The following EVA1C variants were observed in gnomAD, a reference collection of about 807,000 sequenced individuals.
EVA1C encodes the protein protein eva-1 homolog C.
A neutral mutation model predicts 45.4 loss-of-function variants in EVA1C; 25 were observed. The observed-to-expected ratio is 0.55, with a 90% CI of 0.40 to 0.77. EVA1C has a LOEUF of 0.77. Among genes scored for constraint, EVA1C ranks in the 30% least tolerant of loss-of-function variants. The pLI is 0.00. For missense variants in EVA1C, 479 were observed against 554.8 expected, an observed-to-expected ratio of 0.86 and a Z score of 1.37; for synonymous variants, 190 against 221.2, an observed-to-expected ratio of 0.86 and a Z score of 1.25.
At chr21:32,488,321 G>A (rs1015624291) in intron 4 of EVA1C, among the ~76,000 whole-genome samples, 1 of 152,160 alleles carries the variant, frequency 6.6e-6, no homozygotes, top group East Asian at 1.9e-4. Flanking sequence ...ATACCCAGAA[G>A]AGGGATTGCT....
chr21:32,429,910 T>C (rs1441295127), intron 1 of EVA1C, among the ~76,000 whole-genome samples: 7 of 152,228 alleles, frequency 4.6e-5, no homozygotes, highest in Admixed American at 4.6e-4. Flanking sequence ...TTTTATGTTC[T>C]CTTTTTTTTG....
At chr21:32,424,216 A>G (rs2034402146) in intron 1 of EVA1C, among the ~76,000 whole-genome samples, 1 of 152,184 alleles carries the variant, frequency 6.6e-6, no homozygotes, top group Non-Finnish European at 1.5e-5. Flanking sequence ...CTCTTGACTT[A>G]GAAGATTTTT....
rs1423335174 is a variant in EVA1C, at chr21:32,433,189, C to G, written c.161-20123C>G. ...CTTCCCACTTCAAAGTGCACTAACGCCAGTCAGCTTGAAGGCATCCCCTGA... is the reference window on the plus strand; with the variant it reads ...CTTCCCACTTCAAAGTGCACTAACGGCAGTCAGCTTGAAGGCATCCCCTGA... On this transcript the variant is annotated intron_variant, in intron 1 of 7. Coordinates refer to ENST00000300255, the MANE Select transcript of EVA1C (RefSeq NM_058187.5). The G allele has an allele frequency of 3.9e-5, 6 of 152,392 alleles. No homozygotes were observed. The South Asian group carries it at 1.2e-3, about 32-fold the overall frequency. 9.4% of individuals were successfully genotyped at this position (152,392 alleles called of 1,614,324 possible). A position where few individuals can be genotyped will look rare whatever the true frequency, so the allele number is the denominator to read the frequency against.
chr21:32,424,969 G>A (rs80020720), intron 1 of EVA1C, among the ~76,000 whole-genome samples: 1 of 151,986 alleles, frequency 6.6e-6, no homozygotes, highest in Non-Finnish European at 1.5e-5. Flanking sequence ...AGCTCCTCCT[G>A]CCTCAGCCTC....
At chr21:32,451,678 T>A (rs1269275620) in intron 1 of EVA1C, among the ~76,000 whole-genome samples, 1 of 152,206 alleles carries the variant, frequency 6.6e-6, no homozygotes, top group Non-Finnish European at 1.5e-5. Context: ...TAGGGAAGAA[T>A]CCTTCCTGGC....
At chr21:32,453,701 C>A (rs564243748) in intron 2 of EVA1C, among the ~76,000 whole-genome samples, 193 bp downstream of exon 2, 2 of 152,206 alleles carry the variant, frequency 1.3e-5, no homozygotes, top group Admixed American at 6.5e-5. Flanking sequence ...TGTTGCCCAA[C>A]AAAACTAAAT....
chr21:32,458,341 T>C lies in EVA1C; in HGVS notation c.481+621T>C, dbSNP rs376736041. On this transcript the variant is annotated intron_variant, in intron 3 of 7. Coordinates refer to ENST00000300255, the MANE Select transcript of EVA1C (RefSeq NM_058187.5). ...TGTGATGGGCAAAAATAATCCATCTTCCGTGGGTGGGTCACACTTCCAGGA... is the reference window on the plus strand; with the variant it reads ...TGTGATGGGCAAAAATAATCCATCTCCCGTGGGTGGGTCACACTTCCAGGA... Among the ~76,000 whole-genome samples the C allele has an allele frequency of 1.2e-3, 180 of 152,216 alleles. 6 individuals carry two copies. The South Asian group carries it at 0.036, about 31-fold the overall frequency.
chr21:32,492,470 G>A (rs1192884804), intron 4 of EVA1C, among the ~76,000 whole-genome samples: 1 of 152,098 alleles, frequency 6.6e-6, no homozygotes, highest in Non-Finnish European at 1.5e-5. Context: ...GAACTGGGGA[G>A]AGCAGTTTTT....
chr21:32,415,198 A>G (rs1283913473), intron 1 of EVA1C, among the ~76,000 whole-genome samples: 1 of 152,162 alleles, frequency 6.6e-6, no homozygotes, highest in Non-Finnish European at 1.5e-5. Flanking sequence ...GTGCATAGAA[A>G]CCAAAACTGA....
chr21:32,508,387 C>T (rs967901231), intron 7 of EVA1C, among the ~76,000 whole-genome samples: 3 of 152,158 alleles, frequency 2.0e-5, no homozygotes, highest in African/African-American at 7.2e-5. Context: ...AAGGGACAGG[C>T]TTGCAGCCTG....
intron 1 of EVA1C, among the ~76,000 whole-genome samples, chr21:32,425,946 C>G (rs763198359): frequency 2.7e-5 from 4 of 149,520 alleles, no homozygotes; most frequent in Admixed American, 6.7e-5. Flanking sequence ...CTTTTAGAAC[C>G]TGAAAAAAGT....
chr21:32,440,946 C>CA (rs61151759), intron 1 of EVA1C, among the ~76,000 whole-genome samples: 1 of 152,010 alleles, frequency 6.6e-6, no homozygotes, highest in South Asian at 2.1e-4. Flanking sequence ...ATTAAAAATA[C>CA]AAAAAATTAG....
chr21:32,457,325 G>T (rs1455694431), intron 2 of EVA1C, among the ~76,000 whole-genome samples: 3 of 152,224 alleles, frequency 2.0e-5, no homozygotes, highest in Non-Finnish European at 4.4e-5. Flanking sequence ...TGCCTTTGCT[G>T]AAAGTAGCAG....
chr21:32,450,711 C>G (rs1440057817), intron 1 of EVA1C, among the ~76,000 whole-genome samples: 1 of 152,016 alleles, frequency 6.6e-6, no homozygotes, highest in Non-Finnish European at 1.5e-5. Flanking sequence ...ATTTTCAGTA[C>G]TCATTGTTTT....
chr21:32,502,869 A>G (rs2037603353), intron 6 of EVA1C, among the ~76,000 whole-genome samples: 1 of 151,724 alleles, frequency 6.6e-6, no homozygotes, highest in African/African-American at 2.4e-5. Context: ...GGCTCAAGCG[A>G]TCCACCCACC....
At chr21:32,461,232 G>T (rs1419824818) in intron 3 of EVA1C, among the ~76,000 whole-genome samples, 1 of 152,240 alleles carries the variant, frequency 6.6e-6, no homozygotes, top group Non-Finnish European at 1.5e-5. Context: ...AGACAGGAGA[G>T]AGCACCAGCT....
At chr21:32,449,937 G>C (rs2035517292) in intron 1 of EVA1C, among the ~76,000 whole-genome samples, 1 of 152,114 alleles carries the variant, frequency 6.6e-6, no homozygotes, top group Admixed American at 6.6e-5. Context: ...CTAGGTTTTT[G>C]AAGAAGGAAT....
At chr21:32,447,994 C>T (rs544178584) in intron 1 of EVA1C, among the ~76,000 whole-genome samples, 6 of 152,214 alleles carry the variant, frequency 3.9e-5, no homozygotes, top group African/African-American at 1.2e-4. Context: ...CGTGAGCCAC[C>T]GCGCCTGGCC....
intron 6 of EVA1C, among the ~76,000 whole-genome samples, chr21:32,502,291 G>T (rs2037585667): frequency 6.6e-6 from 1 of 151,856 alleles, no homozygotes; most frequent in South Asian, 2.1e-4. Context: ...TAGAGACGGG[G>T]TTTCACCATG....
Sources: gnomAD v4.1 joint callset for allele counts (sites outside exome capture counted in the v4.1 genomes callset) on GRCh38, gnomAD v4.1.1 for gene constraint, MANE v1.5 for transcripts, NCBI Gene and HGNC (gene_info 2026-07-23, HGNC 2026-07-21) for gene names.